CLIC5: variants seen among roughly 807,000 people sequenced by gnomAD.
CLIC5 encodes the protein CLIC family member 5, also known as chloride intracellular channel protein 5.
CLIC5 carries 20 observed loss-of-function variants against 24.7 expected under a neutral mutation model. That is an observed-to-expected ratio of 0.81 (90% confidence interval 0.57 to 1.18). The LOEUF (loss-of-function observed/expected upper bound fraction) is 1.18, where lower values mean the gene tolerates loss of function less well. CLIC5 is among the 50% of genes most tolerant of loss of function. The pLI is 0.00. For missense variants in CLIC5, 341 were observed against 326.1 expected (o/e 1.05, Z -0.35); for synonymous variants, 159 against 135.6 (o/e 1.17, Z -1.20).
chr6:46,068,711 C>T (rs1056098069), intron 1 of CLIC5, among the ~76,000 whole-genome samples: 1 of 152,004 alleles, frequency 6.6e-6, no homozygotes, highest in Admixed American at 6.6e-5. Context: ...TCCAAAATGA[C>T]TGGTGTTCTT....
the CLIC5 span, among the ~76,000 whole-genome samples, chr6:46,089,984 G>C: frequency 2.6e-5 from 4 of 152,294 alleles, no homozygotes; most frequent in South Asian, 8.3e-4. Context: ...AGTAAGCCAG[G>C]CTGCTTTCTG....
chr6:45,944,712 C>G (rs1365658447), intron 3 of CLIC5, among the ~76,000 whole-genome samples: 3 of 152,172 alleles, frequency 2.0e-5, no homozygotes, highest in African/African-American at 7.2e-5. Context: ...AGGATACCCA[C>G]CATGCAATTA....
At chr6:45,937,779 G>T (rs1432102003) in intron 4 of CLIC5, among the ~76,000 whole-genome samples, 2 of 152,202 alleles carry the variant, frequency 1.3e-5, no homozygotes, top group African/African-American at 4.8e-5. Flanking sequence ...CTGCTGGGAT[G>T]GCTCCCACGG....
chr6:45,981,258 C>G (rs1027100486), intron 1 of CLIC5, among the ~76,000 whole-genome samples: 3 of 152,030 alleles, frequency 2.0e-5, no homozygotes, highest in Middle Eastern at 3.4e-3. Context: ...CATGAGCCAC[C>G]GCACCTGGCC....
intron 1 of CLIC5, among the ~76,000 whole-genome samples, chr6:45,976,843 T>C (rs1246485801): frequency 6.6e-6 from 1 of 152,166 alleles, no homozygotes; most frequent in Admixed American, 6.5e-5. Flanking sequence ...AAAGGCAGCT[T>C]GTCGGAAAAT....
intron 1 of CLIC5, among the ~76,000 whole-genome samples, chr6:45,999,062 G>A (rs558821636): frequency 1.3e-5 from 2 of 152,232 alleles, no homozygotes; most frequent in Admixed American, 6.5e-5. Flanking sequence ...CAAGTATATT[G>A]TAAACTCCCT....
chr6:46,096,668 A>G, the CLIC5 span, among the ~76,000 whole-genome samples: 1 of 152,322 alleles, frequency 6.6e-6, no homozygotes, highest in East Asian at 1.9e-4. Context: ...AGCTGGCTGC[A>G]AGCTGCTTCT....
At chr6:46,069,128 A>G (rs192242414) in intron 1 of CLIC5, among the ~76,000 whole-genome samples, 7 of 152,256 alleles carry the variant, frequency 4.6e-5, no homozygotes, top group African/African-American at 1.7e-4. Context: ...GTGTGCAGGG[A>G]AGTACAGGCT....
At chr6:46,008,753 A>C (rs1465604759) in intron 1 of CLIC5, among the ~76,000 whole-genome samples, 3 of 152,218 alleles carry the variant, frequency 2.0e-5, no homozygotes, top group Non-Finnish European at 4.4e-5. Flanking sequence ...TTACAAAAGA[A>C]AGGTCAAAAG....
chr6:46,118,465 A>G, the CLIC5 span, among the ~76,000 whole-genome samples: 1 of 152,246 alleles, frequency 6.6e-6, no homozygotes, highest in Non-Finnish European at 1.5e-5. Context: ...CACAACAGGC[A>G]TAAACTAGGA....
chr6:45,891,366 A>T (rs1328444994), intron 6 of CLIC5, among the ~76,000 whole-genome samples: 1 of 152,068 alleles, frequency 6.6e-6, no homozygotes, highest in Non-Finnish European at 1.5e-5. Flanking sequence ...GACCGGGCGC[A>T]GTGGCTCACC....
intron 1 of CLIC5, among the ~76,000 whole-genome samples, chr6:45,962,283 G>A (rs942156211): frequency 2.6e-5 from 4 of 151,602 alleles, no homozygotes; most frequent in African/African-American, 9.7e-5. Flanking sequence ...GTGGAGGCTT[G>A]GTGTGTTCAG....
At chr6:46,113,156 T>C in the CLIC5 span, among the ~76,000 whole-genome samples, 1 of 152,278 alleles carries the variant, frequency 6.6e-6, no homozygotes, top group African/African-American at 2.4e-5. Flanking sequence ...AATACGCAAC[T>C]ACTCAGGGGT....
At chr6:45,971,041 A>C (rs533707663) in intron 1 of CLIC5, among the ~76,000 whole-genome samples, 1 of 152,372 alleles carries the variant, frequency 6.6e-6, no homozygotes, top group Admixed American at 6.5e-5. Context: ...ACTCCAAAAT[A>C]AATGAGGTAC....
At chr6:46,009,538 C>T (rs1486312033) in intron 1 of CLIC5, among the ~76,000 whole-genome samples, 3 of 152,142 alleles carry the variant, frequency 2.0e-5, no homozygotes, top group African/African-American at 2.4e-5. Flanking sequence ...TCTCTAGTTC[C>T]TCCAGTCTTG....
intron 4 of CLIC5, 57 bp from the exon 5 acceptor site, chr6:45,914,466 A>T: frequency 6.8e-7 from 1 of 1,471,912 alleles, no homozygotes; most frequent in Non-Finnish European, 9.1e-7. Context: ...GGATACAGTC[A>T]TAGGGTCTTC....
At chr6:46,094,506 A>G in the CLIC5 span, among the ~76,000 whole-genome samples, 1 of 152,214 alleles carries the variant, frequency 6.6e-6, no homozygotes, top group Non-Finnish European at 1.5e-5. Context: ...AATTGGCCCA[A>G]AAAAGGGGGT....
intron 1 of CLIC5, among the ~76,000 whole-genome samples, chr6:46,024,069 G>A (rs1000957723): frequency 7.9e-5 from 12 of 152,132 alleles, no homozygotes; most frequent in Admixed American, 4.6e-4. Context: ...TAGGGACATC[G>A]GGAATAGGAA....
chr6:46,117,425 T>C, the CLIC5 span, among the ~76,000 whole-genome samples: 1 of 152,222 alleles, frequency 6.6e-6, no homozygotes, highest in Non-Finnish European at 1.5e-5. Flanking sequence ...AACAGTAAAC[T>C]AATACATGCA....
Sources: gnomAD v4.1 joint callset for allele counts (sites outside exome capture counted in the v4.1 genomes callset) on GRCh38, gnomAD v4.1.1 for gene constraint, MANE v1.5 for transcripts, NCBI Gene and HGNC (gene_info 2026-07-23, HGNC 2026-07-21) for gene names.